BFSP1: variants seen among roughly 807,000 people sequenced by gnomAD.
BFSP1 encodes the protein filensin.
Under a neutral mutation model 43.9 loss-of-function variants are expected in BFSP1, and 38 were observed. The observed-to-expected ratio is 0.87, with a 90% CI of 0.67 to 1.14. The LOEUF (loss-of-function observed/expected upper bound fraction) is 1.14. BFSP1 is among the 50% of genes most tolerant of loss of function. The probability of loss-of-function intolerance (pLI) is 0.00; values close to 1 mark genes in which losing one functional copy is unlikely to be tolerated. For synonymous variants in BFSP1, 352 were observed against 354.8 expected, an observed-to-expected ratio of 0.99 and a Z score of 0.09; for missense variants, 850 against 875.1, an observed-to-expected ratio of 0.97 and a Z score of 0.36.
chr20:17,509,963 A>G lies in BFSP1; in HGVS notation c.628-967T>C, dbSNP rs1163037343. Among the ~76,000 whole-genome samples the G allele has an allele frequency of 2.6e-5, 4 of 152,224 alleles. No homozygotes were observed. The East Asian group carries it at 5.8e-4, about 22-fold the overall frequency. ...ATGCAAAATCAAACACCAAGTCTAC[A>G]ATGAGGGTTTCTGTGTCCAGAGGCT... is the stretch of plus-strand genomic sequence containing the variant. On this transcript the variant is annotated intron_variant, in intron 4 of 7. Transcript: ENST00000377873.
In BFSP1 at chr20:17,558,573, T is replaced by A. The variant is rs999042183; in HGVS notation, c.2+115A>T. The A allele has an allele frequency of 1.7e-4, 194 of 1,172,640 alleles. No homozygotes were observed. In the African/African-American group the frequency reaches 2.8e-3, roughly 17 times the overall value. 72.6% of individuals were successfully genotyped at this position (1,172,640 alleles called of 1,614,324 possible). On this transcript the variant is annotated intron_variant, in intron 1 of 7. Transcript: ENST00000377868. ...AAATTTCCATGAGTCATAAAACAAA[T>A]GTGCAACCCGCTTGCTGTACCTTCT... is the stretch of plus-strand genomic sequence containing the variant.
At chr20:17,533,234 T>C (rs957037630), upstream of BFSP1, among the ~76,000 whole-genome samples, 3 of 152,198 alleles carry the variant, frequency 2.0e-5, no homozygotes, top group East Asian at 5.8e-4. Context: ...AAAATGTAAT[T>C]GTATGGTCAA....
chr20:17,558,800 C>A, exon 1 of BFSP1: 1 of 1,489,748 alleles, frequency 6.7e-7, no homozygotes, highest in Non-Finnish European at 9.0e-7. Flanking sequence ...GACTCCAAAA[C>A]CCTCTCCAGA....
At chr20:17,497,146 T>C in intron 6 of BFSP1, 123 bp from the exon 7 acceptor site, 2 of 666,992 alleles carry the variant, frequency 3.0e-6, no homozygotes, top group Non-Finnish European at 4.9e-6. Flanking sequence ...GAATTAGATA[T>C]CATTTTAAAC....
chr20:17,497,581 CGTATATATATACGT>C (rs1365134943), intron 6 of BFSP1, among the ~76,000 whole-genome samples: 4 of 15,558 alleles, frequency 2.6e-4, no homozygotes, highest in Admixed American at 7.3e-4. Context: ...TGTATATATA[CGTATATATATACGT>C]GTATATATAT....
In BFSP1 at chr20:17,525,006, CTCTCCT is replaced by C; in HGVS notation, c.378-104_378-99del. The C allele has an allele frequency of 1.9e-6, 2 of 1,075,012 alleles. No individual in the cohort carries two copies. The highest frequency in any genetic ancestry group is 4.7e-5 in the East Asian group (2 of 42,284). The allele number at this position is 1,075,012 out of a possible 1,614,324, so 66.6% of individuals were successfully genotyped here. On this transcript the variant is annotated intron_variant, in intron 1 of 7. Transcript: ENST00000377873. The surrounding 1 kb of genome is among the most constrained non-coding windows in gnomAD (Gnocchi z 4.2). Reference sequence around the variant, plus strand: ...TTAAATTCAACCTGGGTACGATGCCCTCTCCTTTAAGGAGAGGGTCTTAATTTTAAA... The same window carrying C: ...TTAAATTCAACCTGGGTACGATGCCCTTAAGGAGAGGGTCTTAATTTTAAA...
intron 1 of BFSP1, among the ~76,000 whole-genome samples, chr20:17,546,069 C>T (rs2034796250): frequency 6.6e-6 from 1 of 152,180 alleles, no homozygotes; most frequent in Admixed American, 6.5e-5. Context: ...TGGATCAAGA[C>T]CACTGTATTA....
chr20:17,542,367 A>G (rs2034732202), intron 1 of BFSP1, among the ~76,000 whole-genome samples: 3 of 150,762 alleles, frequency 2.0e-5, no homozygotes, highest in African/African-American at 4.9e-5. Context: ...AGATAGGAGG[A>G]CTGCTTGAGC....
At chr20:17,536,266 T>G (rs1439923995), upstream of BFSP1, among the ~76,000 whole-genome samples, 1 of 152,204 alleles carries the variant, frequency 6.6e-6, no homozygotes, top group African/African-American at 2.4e-5. Context: ...TAAAGTTGTT[T>G]AAGGCTGGGT....
chr20:17,568,699 AACTT>A (rs758150782), intron 1 of BFSP1, among the ~76,000 whole-genome samples: 1 of 152,138 alleles, frequency 6.6e-6, no homozygotes, highest in Non-Finnish European at 1.5e-5. Flanking sequence ...AGAACTGCAC[AACTT>A]ACTGTCTTTT....
At chr20:17,516,027 C>T (rs2034192916) in intron 2 of BFSP1, among the ~76,000 whole-genome samples, 1 of 152,196 alleles carries the variant, frequency 6.6e-6, no homozygotes, top group Non-Finnish European at 1.5e-5. Flanking sequence ...TGAGACTGCA[C>T]TCTTAAGAAA....
chr20:17,568,465 G>T (rs1161575758), intron 1 of BFSP1, among the ~76,000 whole-genome samples: 2 of 150,538 alleles, frequency 1.3e-5, no homozygotes, highest in African/African-American at 4.8e-5. Context: ...ATACAGGGGG[G>T]TTCCTTCTCA....
At chr20:17,544,498 T>C (rs1449265714) in intron 1 of BFSP1, among the ~76,000 whole-genome samples, 1 of 152,184 alleles carries the variant, frequency 6.6e-6, no homozygotes, top group Admixed American at 6.5e-5. Flanking sequence ...TACCTCTACA[T>C]AGTTATTTTA....
At chr20:17,560,925 G>C (rs554967545), upstream of BFSP1, 3 of 152,276 alleles carry the variant, frequency 2.0e-5, no homozygotes, top group Non-Finnish European at 4.4e-5. Flanking sequence ...GTGTGAAACA[G>C]TCCTTTCATT....
At chr20:17,512,595 T>G (rs2034113009) in intron 3 of BFSP1, among the ~76,000 whole-genome samples, 1 of 152,152 alleles carries the variant, frequency 6.6e-6, no homozygotes, top group African/African-American at 2.4e-5. Flanking sequence ...TGTGCACCTG[T>G]GGTCCCAGCT....
upstream of BFSP1, among the ~76,000 whole-genome samples, chr20:17,563,397 CCCTT>C (rs1161358172): frequency 1.8e-4 from 8 of 44,870 alleles, no homozygotes; most frequent in South Asian, 1.4e-3. Context: ...CTCCCTCCCT[CCCTT>C]CCTTCCTTCC....
Position 17,494,349 on chromosome 20 carries a change from T to C in BFSP1, c.1723A>G (p.Met575Val), listed in dbSNP as rs1393816244. The C allele has an allele frequency of 9.9e-6, 16 of 1,614,178 alleles. No homozygotes were observed. Among genetic ancestry groups the C allele is most frequent in the Non-Finnish European group, 1.4e-5 (16 of 1,179,992 alleles). ...RDEESRRPCA[M>V]VTPGAEEPSI... ...GGTTCCTCTGCACCGGGTGTGACCA[T>C]GGCACAGGGTCTCCTGGACTCTTCG... The change falls in exon 8 of 8, where the codon ATG (methionine) becomes GTG (valine). Residue 575 changes from methionine (M) to valine (V), a missense_variant. By Grantham distance (21) the Met-to-Val change is conservative. Transcript: ENST00000377873.
upstream of BFSP1, chr20:17,531,389 G>A (rs2034538231): frequency 1.6e-6 from 2 of 1,277,770 alleles, no homozygotes; most frequent in African/African-American, 1.6e-5. Context: ...GGCCCCCGGC[G>A]CAGCCCGCAG....
At chr20:17,549,870 C>T (rs1340482848) in intron 1 of BFSP1, among the ~76,000 whole-genome samples, 5 of 151,990 alleles carry the variant, frequency 3.3e-5, no homozygotes, top group Non-Finnish European at 5.9e-5. Context: ...AAAAGTAAAC[C>T]ACTCATAAAG....
Sources: allele counts gnomAD v4.1 joint callset (sites outside exome capture counted in the v4.1 genomes callset), GRCh38; gene constraint gnomAD v4.1.1; non-coding constraint Gnocchi (gnomAD v3.1); transcripts MANE v1.5; gene names NCBI Gene and HGNC (gene_info 2026-07-23, HGNC 2026-07-21).